NCKAP5: variants seen among roughly 807,000 people sequenced by gnomAD.
NCKAP5 encodes the protein nck-associated protein 5.
In NCKAP5, 92 loss-of-function variants were observed where a neutral mutation model predicts 167.0. That is an observed-to-expected ratio of 0.55 (90% CI 0.47 to 0.66). The LOEUF is 0.66. Among genes scored for constraint, NCKAP5 ranks in the 30% least tolerant of loss-of-function variants. The probability of loss-of-function intolerance (pLI) is 0.00; values close to 1 mark genes in which losing one functional copy is unlikely to be tolerated. For synonymous variants in NCKAP5, 891 were observed against 877.4 expected (o/e 1.02, Z -0.27); for missense variants, 2,378 against 2,315.0 (o/e 1.03, Z -0.56).
chr2:132,845,337 T>G (rs1688584216), intron 11 of NCKAP5, among the ~76,000 whole-genome samples: 1 of 152,166 alleles, frequency 6.6e-6, no homozygotes, highest in African/African-American at 2.4e-5. Flanking sequence ...TATGACTTCT[T>G]GGTTTTATGC....
chr2:132,696,361 T>C (rs925660024), intron 19 of NCKAP5, among the ~76,000 whole-genome samples: 2 of 152,248 alleles, frequency 1.3e-5, no homozygotes, highest in African/African-American at 4.8e-5. Flanking sequence ...ATTATTTTTA[T>C]TGAAAACTAA....
At chr2:133,668,908 G>A in the NCKAP5 span, among the ~76,000 whole-genome samples, 1 of 152,084 alleles carries the variant, frequency 6.6e-6, no homozygotes, top group South Asian at 2.1e-4. Context: ...ATGTCCCAGG[G>A]AAAAGCATCT....
At chr2:133,455,624 G>A (rs188633557) in intron 3 of NCKAP5, among the ~76,000 whole-genome samples, 2 of 151,932 alleles carry the variant, frequency 1.3e-5, no homozygotes, top group Non-Finnish European at 2.9e-5. Flanking sequence ...AGAAGCTAAG[G>A]CATTTTCATA....
rs150585232 is a variant in NCKAP5 at position 132,874,725 on chromosome 2, C to G, written c.648+4123G>C. On this transcript the variant is annotated intron_variant, in intron 9 of 19. Transcript: ENST00000409261. ...GGAAGAAGCAGTTTCTCCAACTTTT[C>G]GTGCAGAAGCTCCTCCTGGAATGTT... Among the ~76,000 whole-genome samples the G allele has an allele frequency of 3.5e-3, 532 of 152,218 alleles. 3 individuals are homozygous for G. Among genetic ancestry groups the G allele is most frequent in the African/African-American group, 0.012 (507 of 41,530 alleles).
Position 133,452,854 on chromosome 2 carries a change from C to T in NCKAP5, c.69+64604G>A, listed in dbSNP as rs574275701. Among the ~76,000 whole-genome samples, 291 of 152,228 alleles carry T rather than the reference C, an allele frequency of 1.9e-3. 1 individual carries two copies. Among genetic ancestry groups the T allele is most frequent in the African/African-American group, 6.8e-3 (283 of 41,548 alleles). ...CCTCTTTCCCCTGTACAGTCATGCC[C>T]TGGTGTTAGAAGTTACTACTTTTCA... On this transcript the variant is annotated intron_variant, in intron 3 of 19. Transcript: ENST00000409261.
In NCKAP5 at chr2:133,270,912, A is replaced by ATT. The variant is rs1255134862; in HGVS notation, c.143+32123_143+32124dup. Among the ~76,000 whole-genome samples, 1,059 of 128,778 alleles carry ATT rather than the reference A, an allele frequency of 8.2e-3. 25 individuals are homozygous for ATT. The highest frequency in any genetic ancestry group is 0.019 in the African/African-American group (638 of 34,132). The allele number at this position is 128,778 out of a possible 152,430, so 84.5% of individuals were successfully genotyped here. A position where few individuals can be genotyped will look rare whatever the true frequency, so the allele number is the denominator to read the frequency against. On this transcript the variant is annotated intron_variant, in intron 4 of 19. Transcript: ENST00000409261. ...GTACTTTTGTTTTTTGTTGCTTCAA[A>ATT]TTTTTTTTTTTTTTTTTTCTTTTTT...
At chr2:133,533,333 A>G (rs1230446823) in intron 2 of NCKAP5, among the ~76,000 whole-genome samples, 3 of 152,248 alleles carry the variant, frequency 2.0e-5, no homozygotes, top group East Asian at 3.8e-4. Context: ...CAGATCATCT[A>G]TGTAAAATCT....
intron 3 of NCKAP5, among the ~76,000 whole-genome samples, chr2:133,369,311 A>C (rs67672480): frequency 0.25 from 38,687 of 152,106 alleles, 5,823 homozygotes; most frequent in Middle Eastern, 0.4. Flanking sequence ...GCAGAAATTC[A>C]CAAGGAATCA....
intron 3 of NCKAP5, among the ~76,000 whole-genome samples, chr2:133,416,993 A>G (rs1211095949): frequency 2.0e-5 from 3 of 152,206 alleles, no homozygotes; most frequent in East Asian, 3.9e-4. Flanking sequence ...AGTGAGAAAC[A>G]CAAGATTTAG....
intron 4 of NCKAP5, among the ~76,000 whole-genome samples, chr2:133,224,750 C>T (rs575819199): frequency 2.0e-5 from 3 of 152,112 alleles, no homozygotes; most frequent in Admixed American, 2.0e-4. Flanking sequence ...GCACTCCTAC[C>T]TAAAATGTTT....
intron 3 of NCKAP5, among the ~76,000 whole-genome samples, chr2:133,339,331 A>G (rs1019233376): frequency 9.5e-5 from 14 of 146,654 alleles, no homozygotes; most frequent in African/African-American, 3.3e-4. Context: ...GTCACTGGGG[A>G]AAAAAAAAAA....
intron 3 of NCKAP5, among the ~76,000 whole-genome samples, chr2:133,508,830 G>A (rs1053916851): frequency 2.2e-4 from 34 of 152,194 alleles, no homozygotes; most frequent in African/African-American, 8.0e-4. Flanking sequence ...AAGAACACAT[G>A]GAACATGCCA....
chr2:133,387,263 G>T (rs571668956), intron 3 of NCKAP5, among the ~76,000 whole-genome samples: 28 of 152,190 alleles, frequency 1.8e-4, no homozygotes, highest in African/African-American at 5.8e-4. Flanking sequence ...TCTCTCAGCA[G>T]TTGCTTGTCT....
chr2:132,948,724 G>A (rs894046059), intron 8 of NCKAP5, among the ~76,000 whole-genome samples: 7 of 152,262 alleles, frequency 4.6e-5, no homozygotes, highest in Admixed American at 1.3e-4. Context: ...ACAAGGCCTC[G>A]TGGAAGCCCC....
chr2:132,720,257 C>G (rs1689778065), intron 19 of NCKAP5, among the ~76,000 whole-genome samples: 2 of 152,224 alleles, frequency 1.3e-5, no homozygotes, highest in Non-Finnish European at 2.9e-5. Flanking sequence ...AAAACCACAA[C>G]ATTACTTCTG....
At chr2:133,663,227 C>T in the NCKAP5 span, among the ~76,000 whole-genome samples, 1 of 148,810 alleles carries the variant, frequency 6.7e-6, no homozygotes, top group Non-Finnish European at 1.5e-5. Context: ...GATTGCGCCA[C>T]TGCAGTCCGC....
At chr2:133,294,996 G>A (rs562827058) in intron 4 of NCKAP5, among the ~76,000 whole-genome samples, 2 of 152,310 alleles carry the variant, frequency 1.3e-5, no homozygotes, top group South Asian at 2.1e-4. Flanking sequence ...CAAGAGTTAA[G>A]TCTTTTACTT....
intron 11 of NCKAP5, among the ~76,000 whole-genome samples, chr2:132,822,704 A>G (rs1165410201): frequency 6.6e-6 from 1 of 152,222 alleles, no homozygotes; most frequent in Non-Finnish European, 1.5e-5. Flanking sequence ...ATCCAAACTA[A>G]GAAGAAATCT....
intron 3 of NCKAP5, among the ~76,000 whole-genome samples, chr2:133,435,290 C>T (rs900222000): frequency 3.9e-5 from 6 of 152,220 alleles, no homozygotes; most frequent in African/African-American, 1.2e-4. Context: ...TCTGGAACAA[C>T]TTCTTATCCT....
Sources: allele counts gnomAD v4.1 joint callset (sites outside exome capture counted in the v4.1 genomes callset), GRCh38; gene constraint gnomAD v4.1.1; transcripts MANE v1.5; gene names NCBI Gene and HGNC (gene_info 2026-07-23, HGNC 2026-07-21).